Variants in SCFD2 observed in about 807,000 individuals in gnomAD.
The protein encoded by SCFD2 is sec1 family domain containing 2, also known as sec1 family domain-containing protein 2.
In SCFD2, 54 loss-of-function variants were observed where a neutral mutation model predicts 58.9. That is an observed-to-expected ratio of 0.92 (90% CI 0.74 to 1.15). The LOEUF (loss-of-function observed/expected upper bound fraction) is 1.15, where lower values mean the gene tolerates loss of function less well. SCFD2 is among the 50% of genes most tolerant of loss of function. The pLI is 0.00. For synonymous variants in SCFD2, 321 were observed against 335.9 expected (o/e 0.96, Z 0.49); for missense variants, 805 against 836.6 (o/e 0.96, Z 0.47).
chr4:53,166,670 T>C (rs1164229633), intron 4 of SCFD2, among the ~76,000 whole-genome samples: 1 of 152,154 alleles, frequency 6.6e-6, no homozygotes, highest in Non-Finnish European at 1.5e-5. Context: ...ATTTTCCCTA[T>C]TCCTGCTGCA....
intron 4 of SCFD2, among the ~76,000 whole-genome samples, chr4:53,264,691 A>G (rs1730929005): frequency 6.6e-6 from 1 of 152,262 alleles, no homozygotes; most frequent in Admixed American, 6.5e-5. Context: ...TAGAGGCACT[A>G]GAGGACTTAG....
At chr4:53,228,768 C>T (rs1391441819) in intron 4 of SCFD2, among the ~76,000 whole-genome samples, 2 of 152,070 alleles carry the variant, frequency 1.3e-5, no homozygotes, top group Non-Finnish European at 2.9e-5. Flanking sequence ...AAGTTCTGGT[C>T]AGGGCAATCA....
At chr4:53,323,475 T>C (rs1733084888) in intron 2 of SCFD2, among the ~76,000 whole-genome samples, 1 of 150,950 alleles carries the variant, frequency 6.6e-6, no homozygotes, top group Non-Finnish European at 1.5e-5. Context: ...CTGGACCAAG[T>C]GACCCTCCCA....
chr4:53,170,177 C>G (rs570259947), intron 4 of SCFD2, among the ~76,000 whole-genome samples: 1 of 152,098 alleles, frequency 6.6e-6, no homozygotes, highest in Non-Finnish European at 1.5e-5. Context: ...CATTTAGTGT[C>G]TAACTCATTT....
chr4:52,920,441 C>T (rs1158861484), intron 6 of SCFD2, among the ~76,000 whole-genome samples: 3 of 152,210 alleles, frequency 2.0e-5, no homozygotes, highest in African/African-American at 7.2e-5. Flanking sequence ...AGAGAAGGGA[C>T]TTGCAGAAGG....
chr4:52,924,531 G>C (rs536963949), intron 5 of SCFD2, among the ~76,000 whole-genome samples: 3 of 152,200 alleles, frequency 2.0e-5, no homozygotes, highest in African/African-American at 7.2e-5. Context: ...CTGTACATGG[G>C]CAATTTCTAT....
In SCFD2 at chr4:52,950,919, G is replaced by A. The variant is rs570700408; in HGVS notation, c.1562-30049C>T. 4 of 152,254 alleles carry A rather than the reference G, an allele frequency of 2.6e-5. No homozygotes were observed. In the South Asian group the frequency reaches 8.3e-4, roughly 32 times the overall value. 9.4% of individuals were successfully genotyped at this position (152,254 alleles called of 1,614,324 possible). A position where few individuals can be genotyped will look rare whatever the true frequency, so the allele number is the denominator to read the frequency against. On this transcript the variant is annotated intron_variant, in intron 5 of 8. Transcript: ENST00000401642. ...TGGCCTCCAGATTAGACATGGCCCT[G>A]GAAAAAGGTGATGGGGGACCTGGAA...
At chr4:53,288,055 C>T (rs1296744225) in intron 3 of SCFD2, among the ~76,000 whole-genome samples, 1 of 151,908 alleles carries the variant, frequency 6.6e-6, no homozygotes, top group African/African-American at 2.4e-5. Flanking sequence ...GCCTGGGCAA[C>T]ACAGCAAGAC....
At chr4:53,153,356 A>G (rs554213051) in intron 4 of SCFD2, among the ~76,000 whole-genome samples, 9 of 152,328 alleles carry the variant, frequency 5.9e-5, no homozygotes, top group African/African-American at 2.2e-4. Context: ...AAACCATGTG[A>G]AACCTGCCAA....
At chr4:53,007,323 AGAGAGAGAGAGG>A (rs1482781950) in intron 5 of SCFD2, among the ~76,000 whole-genome samples, 7 of 134,186 alleles carry the variant, frequency 5.2e-5, no homozygotes, top group African/African-American at 1.1e-4. Flanking sequence ...AGAGAGAGAG[AGAGAGAGAGAGG>A]GAGAGAGAGA....
At chr4:53,197,338 T>C (rs1178508759) in intron 4 of SCFD2, among the ~76,000 whole-genome samples, 4 of 152,146 alleles carry the variant, frequency 2.6e-5, no homozygotes, top group Non-Finnish European at 5.9e-5. Flanking sequence ...TGGTTTTTCT[T>C]GAAGTTCCTT....
intron 5 of SCFD2, among the ~76,000 whole-genome samples, chr4:53,022,228 T>G (rs149240184): frequency 1.3e-5 from 2 of 152,042 alleles, no homozygotes; most frequent in African/African-American, 2.4e-5. Flanking sequence ...CATGGAAAAA[T>G]GTTATTTTCT....
At chr4:53,306,346 A>G (rs1009322569) in intron 3 of SCFD2, among the ~76,000 whole-genome samples, 4 of 152,182 alleles carry the variant, frequency 2.6e-5, no homozygotes, top group African/African-American at 9.7e-5. Flanking sequence ...TAAAACAATT[A>G]TCAGAAAGAG....
At chr4:53,283,069 G>A (rs781374097) in intron 3 of SCFD2, among the ~76,000 whole-genome samples, 25 of 152,050 alleles carry the variant, frequency 1.6e-4, no homozygotes, top group Non-Finnish European at 3.4e-4. Flanking sequence ...TTAAATATAC[G>A]GTTCAAATAA....
intron 5 of SCFD2, among the ~76,000 whole-genome samples, chr4:53,124,356 T>G (rs1301029542): frequency 6.6e-6 from 1 of 152,172 alleles, no homozygotes; most frequent in Non-Finnish European, 1.5e-5. Flanking sequence ...AAAATTTTCT[T>G]CTGAGAAAAG....
chr4:53,005,555 G>T (rs371220885), intron 5 of SCFD2, among the ~76,000 whole-genome samples: 8 of 152,104 alleles, frequency 5.3e-5, no homozygotes, highest in African/African-American at 1.9e-4. Context: ...TTCCTTCATC[G>T]ATAAGTAAGG....
At chr4:53,224,337 C>T (rs6554078) in intron 4 of SCFD2, among the ~76,000 whole-genome samples, 80,172 of 149,016 alleles carry the variant, frequency 0.54, 21,738 homozygotes, top group Middle Eastern at 0.62. Context: ...TGCAGTGAGC[C>T]GAGATCACCC....
At chr4:52,916,199 C>CAG (rs1719597675) in intron 6 of SCFD2, among the ~76,000 whole-genome samples, 1 of 152,222 alleles carries the variant, frequency 6.6e-6, no homozygotes, top group South Asian at 2.1e-4. Context: ...GGCATCACAT[C>CAG]AGACACTGTG....
chr4:53,019,951 C>T (rs370120388), intron 5 of SCFD2, among the ~76,000 whole-genome samples: 36 of 152,202 alleles, frequency 2.4e-4, no homozygotes, highest in Admixed American at 7.9e-4. Flanking sequence ...AAATTACAAG[C>T]GTCTGGTGAG....
Sources: gnomAD v4.1 joint callset for allele counts (sites outside exome capture counted in the v4.1 genomes callset) on GRCh38, gnomAD v4.1.1 for gene constraint, MANE v1.5 for transcripts, NCBI Gene and HGNC (gene_info 2026-07-23, HGNC 2026-07-21) for gene names.